ALG10: variants seen among roughly 807,000 people sequenced by gnomAD.
The protein encoded by ALG10 is dol-P-Glc:Glc(2)Man(9)GlcNAc(2)-PP-Dol alpha-1,2-glucosyltransferase A.
In ALG10, 25 loss-of-function variants were observed where a neutral mutation model predicts 39.2. The observed-to-expected ratio is 0.64, with a 90% CI of 0.46 to 0.89. ALG10 has a LOEUF of 0.89. Ranked by LOEUF, ALG10 falls within the 40% of genes least tolerant of loss-of-function variation. The pLI is 0.00. For missense variants in ALG10, 486 were observed against 546.6 expected (o/e 0.89, Z 1.11); for synonymous variants, 184 against 193.9 (o/e 0.95, Z 0.42).
In ALG10 at chr12:34,022,520, G is replaced by T. The variant is rs1379652977; in HGVS notation, c.-80G>T. On this transcript the variant is annotated 5_prime_UTR_variant, in exon 1 of 3. Coordinates refer to ENST00000266483, the MANE Select transcript of ALG10 (RefSeq NM_032834.4). ...TAGTCCCGCCTAGCGCGCCCATTTC[G>T]AGCCCAAGTTTCCAGCTCGGGTTTC... The T allele has an allele frequency of 4.3e-6, 7 of 1,611,484 alleles. No individual in the cohort carries two copies. The East Asian group carries it at 1.6e-4, about 36-fold the overall frequency.
At chr12:34,023,756 T>C in intron 1 of ALG10, 1 of 611,666 alleles carries the variant, frequency 1.6e-6, no homozygotes. Flanking sequence ...TATTGGTTGC[T>C]GCTACCTGAA....
In ALG10 at chr12:34,026,715, G is replaced by C. The variant is rs373989392; in HGVS notation, c.1222G>C (p.Val408Leu). The change falls in exon 3 of 3, where the codon GTT becomes CTT. Residue 408 changes from valine to leucine, a missense_variant. Val to Leu is a conservative substitution (Grantham distance 32). Coordinates refer to ENST00000266483, the MANE Select transcript of ALG10 (RefSeq NM_032834.4). ...MFFICLFTVI[V>L]PQKLLEFRYF... ...TTTCATATGCTTGTTCACTGTTATA[G>C]TTCCTCAGAAACTGCTGGAATTTCG... The C allele has an allele frequency of 1.4e-5, 23 of 1,613,712 alleles. No homozygotes were observed. The highest frequency in any genetic ancestry group is 1.9e-5 in the Non-Finnish European group (23 of 1,179,876).
At position 34,026,359 on chromosome 12, in the gene ALG10, C is replaced by T; in HGVS notation, c.866C>T (p.Pro289Leu). Reference sequence around the variant, plus strand: ...AGTCATGAAGCCTGTCTTCATTTTCCTCAACTATTCTACTTTTTTTCATTT... The same window carrying T: ...AGTCATGAAGCCTGTCTTCATTTTCTTCAACTATTCTACTTTTTTTCATTT... ...RSSHEACLHF[P>L]QLFYFFSFTL... Residue 289 changes from proline to leucine, a missense_variant, in exon 3 of 3, where the codon CCT becomes CTT. Physicochemically the swap from Pro to Leu is moderately conservative, Grantham distance 98. Transcript: ENST00000266483. The T allele has an allele frequency of 6.2e-7, 1 of 1,613,906 alleles. No individual in the cohort carries two copies. Among genetic ancestry groups the T allele is most frequent in the Middle Eastern group, 1.6e-4 (1 of 6,062 alleles).
At chr12:34,022,415 T>C, upstream of ALG10, 7 of 930,914 alleles carry the variant, frequency 7.5e-6, no homozygotes, top group Non-Finnish European at 1.2e-5. Flanking sequence ...AACCCGTCAC[T>C]CCGGGAAACA....
rs947971670 is a variant in ALG10 at position 34,025,553 on chromosome 12, CTTAG to C, written c.370-304_370-301del. The stretch of plus-strand genomic sequence containing the variant: ...ATTTATCTCCATAGTCCACATAGAA[CTTAG>C]TTAGTATCTTGCACTCAATAACTCC... On this transcript the variant is annotated intron_variant, in intron 2 of 2. Coordinates refer to ENST00000266483, the MANE Select transcript of ALG10 (RefSeq NM_032834.4). Among the ~76,000 whole-genome samples, 3 of 152,220 alleles carry C rather than the reference CTTAG, an allele frequency of 2.0e-5. No individual in the cohort carries two copies. In the East Asian group the frequency reaches 5.8e-4, roughly 29 times the overall value.
At chr12:34,024,898 G>T (rs1806704156) in intron 2 of ALG10, among the ~76,000 whole-genome samples, 1 of 152,142 alleles carries the variant, frequency 6.6e-6, no homozygotes, top group Non-Finnish European at 1.5e-5. Flanking sequence ...GGAGGGAGGG[G>T]AGTATGTGGC....
At position 34,026,134 on chromosome 12, in the gene ALG10, A is replaced by G; in HGVS notation, c.641A>G (p.Gln214Arg). 2 of 1,614,118 alleles carry G rather than the reference A, an allele frequency of 1.2e-6. No homozygotes were observed. Among genetic ancestry groups the G allele is most frequent in the Non-Finnish European group, 1.7e-6 (2 of 1,179,964 alleles). The change falls in exon 3 of 3, where the codon CAA becomes CGA. Residue 214 changes from glutamine to arginine, a missense_variant. Physicochemically the swap from Gln to Arg is conservative, Grantham distance 43. Transcript: ENST00000266483. ...ACGGAGGCTTGGAAAACTGAGCTACAAAAGAAGGAAGACAGACTTCCACCT... is the reference window on the plus strand; with the variant it reads ...ACGGAGGCTTGGAAAACTGAGCTACGAAAGAAGGAAGACAGACTTCCACCT... ...KLTEAWKTEL[Q>R]KKEDRLPPIK... is the part of the protein sequence containing the mutation.
In ALG10 at chr12:34,026,412, C is replaced by G; in HGVS notation, c.919C>G (p.Leu307Val). ...TCTCTTTTTTTCCTTTCCTCATCTC[C>G]TGTCTCCTAGCAAAATTAAGACTTT... ...FTLFFSFPHL[L>V]SPSKIKTFLS... The change falls in exon 3 of 3, where the codon CTG becomes GTG. Residue 307 changes from leucine to valine, a missense_variant. By Grantham distance (32) the Leu-to-Val change is conservative. Coordinates refer to ENST00000266483, the MANE Select transcript of ALG10 (RefSeq NM_032834.4). 6.2e-7 allele frequency: 1 copy of G among 1,613,980 alleles called. No homozygotes were observed. The highest frequency in any genetic ancestry group is 8.5e-7 in the Non-Finnish European group (1 of 1,179,958).
intron 2 of ALG10, among the ~76,000 whole-genome samples, chr12:34,025,639 C>T (rs1942822487): frequency 2.0e-5 from 3 of 152,164 alleles, no homozygotes; most frequent in Admixed American, 2.0e-4. Context: ...TTGGCATACA[C>T]ATGGTCTCCA....
chr12:34,022,419 G>A (rs1423455962), upstream of ALG10: 5 of 971,168 alleles, frequency 5.1e-6, no homozygotes, highest in Non-Finnish European at 7.8e-6. Flanking sequence ...CGTCACTCCG[G>A]GAAACAGCGA....
intron 2 of ALG10, among the ~76,000 whole-genome samples, 165 bp from the exon 3 acceptor site, chr12:34,025,698 A>G (rs1942823165): frequency 6.6e-6 from 1 of 152,208 alleles, no homozygotes; most frequent in African/African-American, 2.4e-5. Flanking sequence ...TTATAAATGT[A>G]TATTGTGTTT....
chr12:34,023,759 T>C lies in ALG10; in HGVS notation c.172-203T>C. On this transcript the variant is annotated intron_variant, in intron 1 of 2. Coordinates refer to ENST00000266483, the MANE Select transcript of ALG10 (RefSeq NM_032834.4). ...GTTGTTGTTGTTTATTGGTTGCTGC[T>C]ACCTGAACCATCACTAAGCTGGTCC... 4.8e-6 allele frequency: 3 copies of C among 622,940 alleles called. No homozygotes were observed. In the South Asian group the frequency reaches 5.7e-5, roughly 12 times the overall value. 38.6% of individuals were successfully genotyped at this position (622,940 alleles called of 1,614,324 possible).
In ALG10 at chr12:34,026,823, T is replaced by A. The variant is rs1186742900; in HGVS notation, c.1330T>A (p.Tyr444Asn). 1 of 1,614,008 alleles carries A rather than the reference T, an allele frequency of 6.2e-7. No individual in the cohort carries two copies. The highest frequency in any genetic ancestry group is 8.5e-7 in the Non-Finnish European group (1 of 1,179,890). Residue 444 changes from tyrosine (Y) to asparagine (N), a missense_variant, in exon 3 of 3, where the codon TAT becomes AAT. By Grantham distance (143) the Tyr-to-Asn change is moderately radical. Coordinates refer to ENST00000266483, the MANE Select transcript of ALG10 (RefSeq NM_032834.4). ...CAGACTCATTTGTGAACTGAGCTGC[T>A]ATGCAGTTGTTAATTTCATAACTTT... ...TSRLICELSC[Y>N]AVVNFITFFI...
At chr12:34,022,983 A>C in intron 1 of ALG10, 1 of 719,498 alleles carries the variant, frequency 1.4e-6, no homozygotes, top group South Asian at 2.1e-5. Flanking sequence ...TCCAGGAAGG[A>C]GTGATCTGGG....
rs1239368409 is a variant in ALG10 at position 34,024,285 on chromosome 12, T to G, written c.369+126T>G. 4.3e-6 allele frequency: 5 copies of G among 1,158,444 alleles called. No individual in the cohort carries two copies. In the Admixed American group the frequency reaches 8.5e-5, roughly 20 times the overall value. 71.8% of individuals were successfully genotyped at this position (1,158,444 alleles called of 1,614,324 possible). Reference sequence around the variant, plus strand: ...TGTAACTTTGTATTTTTGTATATTATGTAAAGGTAAATTTAAATCCTCCAT... The same window carrying G: ...TGTAACTTTGTATTTTTGTATATTAGGTAAAGGTAAATTTAAATCCTCCAT... On this transcript the variant is annotated intron_variant, in intron 2 of 2. Coordinates refer to ENST00000266483, the MANE Select transcript of ALG10 (RefSeq NM_032834.4).
rs1365845494 is a variant in ALG10, at chr12:34,027,163, C to G, written c.*248C>G. 2.9e-6 allele frequency: 1 copy of G among 345,364 alleles called. No homozygotes were observed. The highest frequency in any genetic ancestry group is 5.3e-5 in the East Asian group (1 of 18,886). 21.4% of individuals were successfully genotyped at this position (345,364 alleles called of 1,614,324 possible). ...AAAATTGTTTTCAGATATCTCATATCACTCTCATAATGTTGGCCCCTTAAA... is the reference window on the plus strand; with the variant it reads ...AAAATTGTTTTCAGATATCTCATATGACTCTCATAATGTTGGCCCCTTAAA... On this transcript the variant is annotated 3_prime_UTR_variant, in exon 3 of 3. Transcript: ENST00000266483.
rs202213425 is a variant in ALG10, at chr12:34,022,555, A to G, written c.-45A>G. ...TTCCAGCTCGGGTTTCCAGGCTCAGAATTTTCCAGGAGTAGGTTCTTGGGC... is the reference window on the plus strand; with the variant it reads ...TTCCAGCTCGGGTTTCCAGGCTCAGGATTTTCCAGGAGTAGGTTCTTGGGC... On this transcript the variant is annotated 5_prime_UTR_variant, in exon 1 of 3. Coordinates refer to ENST00000266483, the MANE Select transcript of ALG10 (RefSeq NM_032834.4). 6.2e-6 allele frequency: 10 copies of G among 1,613,622 alleles called. No individual in the cohort carries two copies. In the Admixed American group the frequency reaches 1.7e-4, roughly 27 times the overall value.
rs751696313 is a variant in ALG10 at position 34,026,501 on chromosome 12, A to G, written c.1008A>G (p.Leu336=). 7 of 1,613,566 alleles carry G rather than the reference A, an allele frequency of 4.3e-6. No individual in the cohort carries two copies. Among genetic ancestry groups the G allele is most frequent in the Non-Finnish European group, 5.9e-6 (7 of 1,179,848 alleles). ...FFVVTLVSVF[L]VWKFTYAHKY... ...TGGTTACCTTAGTCTCTGTGTTTTT[A>G]GTTTGGAAATTCACTTATGCTCATA... The change falls in exon 3 of 3, where the codon TTA becomes TTG. Residue 336 remains leucine (L), a synonymous_variant. Transcript: ENST00000266483.
At position 34,023,942 on chromosome 12, in the gene ALG10, C is replaced by T; in HGVS notation, c.172-20C>T. The T allele has an allele frequency of 6.2e-7, 1 of 1,613,754 alleles. No homozygotes were observed. Among genetic ancestry groups the T allele is most frequent in the Admixed American group, 1.7e-5 (1 of 60,020 alleles). On this transcript the variant is annotated intron_variant, in intron 1 of 2. Transcript: ENST00000266483. The stretch of plus-strand genomic sequence containing the variant: ...TTCCTATTACCTCTTGCTTTTACTT[C>T]ATTTTCTTTCATTTTAAAGTGGGAT...
Sources: allele counts gnomAD v4.1 joint callset (sites outside exome capture counted in the v4.1 genomes callset), GRCh38; gene constraint gnomAD v4.1.1; transcripts MANE v1.5; gene names NCBI Gene and HGNC (gene_info 2026-07-23, HGNC 2026-07-21).